SRRM3: variants seen among roughly 807,000 people sequenced by gnomAD.
The protein encoded by SRRM3 is serine/arginine repetitive matrix 3, also known as serine/arginine repetitive matrix protein 3.
Under a neutral mutation model 66.2 loss-of-function variants are expected in SRRM3, and 27 were observed. That is an observed-to-expected ratio of 0.41 (90% CI 0.30 to 0.56). SRRM3 has a LOEUF of 0.56. SRRM3 is among the 20% of genes least tolerant of loss of function. The pLI is 0.32. For synonymous variants in SRRM3, 391 were observed against 414.9 expected, an observed-to-expected ratio of 0.94 and a Z score of 0.70; for missense variants, 918 against 991.9, an observed-to-expected ratio of 0.93 and a Z score of 1.00.
chr7:76,226,640 G>A (rs1800871660), intron 1 of SRRM3, among the ~76,000 whole-genome samples: 1 of 152,012 alleles, frequency 6.6e-6, no homozygotes, highest in African/African-American at 2.4e-5. Context: ...CCTCAGGCTG[G>A]AGTACAACGG....
intron 14 of SRRM3, among the ~76,000 whole-genome samples, chr7:76,284,129 A>G (rs1439800192): frequency 2.0e-5 from 3 of 151,514 alleles, no homozygotes; most frequent in Non-Finnish European, 4.4e-5. Context: ...CAGAGCTCAA[A>G]GCCAGACCGC....
chr7:76,248,473 C>T (rs1468603743), intron 3 of SRRM3, among the ~76,000 whole-genome samples, 184 bp downstream of exon 3: 1 of 152,038 alleles, frequency 6.6e-6, no homozygotes, highest in Non-Finnish European at 1.5e-5. Flanking sequence ...CTGGCCTGGC[C>T]CACGGACATC....
rs58931153 is a variant in SRRM3 at position 76,270,815 on chromosome 7, G to GA, written c.1008+3394dup. 2.4e-3 allele frequency among the ~76,000 whole-genome samples: 330 copies of GA among 135,720 alleles called. 2 individuals are homozygous for GA. Among genetic ancestry groups the GA allele is most frequent in the Middle Eastern group, 0.012 (3 of 242 alleles). The allele number at this position is 135,720 out of a possible 152,430, so 89.0% of individuals were successfully genotyped here. On this transcript the variant is annotated intron_variant, in intron 11 of 14. Transcript: ENST00000611745. The stretch of plus-strand genomic sequence containing the variant: ...GGTGACAGAGTGAGACTCCGTCTCG[G>GA]AAAAAAAAAAAAAATAGCCAGGCGT...
intron 3 of SRRM3, among the ~76,000 whole-genome samples, chr7:76,251,372 A>G (rs1011614644): frequency 2.7e-5 from 4 of 149,790 alleles, no homozygotes; most frequent in African/African-American, 9.8e-5. Context: ...TAATCCCAGC[A>G]GCACTTTTTT....
intron 1 of SRRM3, among the ~76,000 whole-genome samples, chr7:76,233,583 GA>G (rs1801064397): frequency 6.6e-6 from 1 of 152,198 alleles, no homozygotes; most frequent in Admixed American, 6.5e-5. Context: ...TCTCGGGACA[GA>G]GGCGGGAAGC....
chr7:76,205,310 A>G (rs1460053728), intron 1 of SRRM3, among the ~76,000 whole-genome samples: 2 of 152,082 alleles, frequency 1.3e-5, no homozygotes, highest in African/African-American at 2.4e-5. Context: ...CCTGGGTTCA[A>G]ATGATTCTCC....
intron 1 of SRRM3, among the ~76,000 whole-genome samples, chr7:76,219,493 AAGCCTGAGGGGATGCCCTGGGC>A (rs1393490575): frequency 6.6e-5 from 10 of 152,312 alleles, no homozygotes; most frequent in African/African-American, 2.2e-4. Context: ...AGCCCAGCAG[AAGCCTGAGGGGATGCCCTGGGC>A]AGCCTGCTTG....
At chr7:76,202,827 G>C (rs1456135867) in intron 1 of SRRM3, among the ~76,000 whole-genome samples, 1 of 152,138 alleles carries the variant, frequency 6.6e-6, no homozygotes. Flanking sequence ...GCTCCTGCCT[G>C]GACAGTGTTG....
At chr7:76,239,420 C>T (rs926964486) in intron 2 of SRRM3, among the ~76,000 whole-genome samples, 1 of 152,166 alleles carries the variant, frequency 6.6e-6, no homozygotes, top group Admixed American at 6.6e-5. Flanking sequence ...ACCATTCCAG[C>T]CGCTGTGGCT....
intron 8 of SRRM3, among the ~76,000 whole-genome samples, chr7:76,264,023 G>A (rs1554609127): frequency 4.0e-5 from 6 of 151,720 alleles, no homozygotes. Flanking sequence ...ATGATTATCA[G>A]GCCACACCCC....
At chr7:76,252,183 G>A (rs1387378510) in intron 3 of SRRM3, among the ~76,000 whole-genome samples, 3 of 152,174 alleles carry the variant, frequency 2.0e-5, no homozygotes, top group African/African-American at 4.8e-5. Context: ...AGTATCTATC[G>A]AGTCGGAAGG....
intron 11 of SRRM3, among the ~76,000 whole-genome samples, chr7:76,277,865 CCT>C (rs1802395384): frequency 6.6e-6 from 1 of 152,180 alleles, no homozygotes; most frequent in African/African-American, 2.4e-5. Context: ...CACTGCCTCC[CCT>C]AACCAAAGTA....
intron 1 of SRRM3, among the ~76,000 whole-genome samples, chr7:76,210,978 G>T (rs112208743): frequency 0.015 from 2,233 of 152,056 alleles, 17 homozygotes; most frequent in African/African-American, 0.018. Flanking sequence ...AATTTTTTTT[G>T]TGTGTGTGTA....
intron 3 of SRRM3, among the ~76,000 whole-genome samples, chr7:76,252,213 C>A (rs928404168): frequency 1.3e-5 from 2 of 152,202 alleles, no homozygotes; most frequent in Admixed American, 6.5e-5. Flanking sequence ...AGCTGGAAGA[C>A]CTCATGCTGG....
intron 2 of SRRM3, among the ~76,000 whole-genome samples, chr7:76,238,196 A>C (rs1801194699): frequency 6.6e-6 from 1 of 152,200 alleles, no homozygotes; most frequent in South Asian, 2.1e-4. Context: ...CTCACCTGGA[A>C]AATAGGGGCA....
At chr7:76,229,741 C>CTTTTTTTTTTTTTTTT (rs869140956) in intron 1 of SRRM3, among the ~76,000 whole-genome samples, 2 of 133,104 alleles carry the variant, frequency 1.5e-5, no homozygotes, top group African/African-American at 2.8e-5. Context: ...TCTTCTTCTT[C>CTTTTTTTTTTTTTTTT]TTTTTTTTTT....
At chr7:76,223,741 G>C (rs140761233) in intron 1 of SRRM3, among the ~76,000 whole-genome samples, 1,862 of 152,104 alleles carry the variant, frequency 0.012, 16 homozygotes, top group Non-Finnish European at 0.02. Context: ...CAGGAATGCA[G>C]TTTCCTGGAT....
intron 1 of SRRM3, among the ~76,000 whole-genome samples, chr7:76,223,153 C>A (rs1311026655): frequency 1.3e-5 from 2 of 152,188 alleles, no homozygotes; most frequent in African/African-American, 4.8e-5. Flanking sequence ...TCTCCTTCTG[C>A]ATTTCTCTCG....
At chr7:76,211,464 C>T (rs1316231895) in intron 1 of SRRM3, among the ~76,000 whole-genome samples, 2 of 152,078 alleles carry the variant, frequency 1.3e-5, no homozygotes, top group African/African-American at 2.4e-5. Context: ...GCCTTTTTTC[C>T]GTAGACAGCA....
Sources: gnomAD v4.1 joint callset for allele counts (sites outside exome capture counted in the v4.1 genomes callset) on GRCh38, gnomAD v4.1.1 for gene constraint, MANE v1.5 for transcripts, NCBI Gene and HGNC (gene_info 2026-07-23, HGNC 2026-07-21) for gene names.